GK5: variants seen among roughly 807,000 people sequenced by gnomAD.
GK5 encodes the protein glycerol kinase 5.
A neutral mutation model predicts 77.3 loss-of-function variants in GK5; 39 were observed. The ratio of observed to expected loss-of-function variants is 0.50; its 90% CI spans 0.39 to 0.66. GK5 has a LOEUF of 0.66. Among genes scored for constraint, GK5 ranks in the 30% least tolerant of loss-of-function variants. GK5 has a pLI of 0.00. For missense variants in GK5, 487 were observed against 633.8 expected (o/e 0.77, Z 2.49); for synonymous variants, 211 against 208.0 (o/e 1.01, Z -0.13).
chr3:142,224,815 T>A (rs528542585), intron 1 of GK5, among the ~76,000 whole-genome samples: 3 of 152,152 alleles, frequency 2.0e-5, no homozygotes, highest in Non-Finnish European at 2.9e-5. Flanking sequence ...TGAAAAGTTA[T>A]TGAGGCACAA....
rs770494340 is a variant in GK5, at chr3:142,170,302, A to T, written c.1441+23T>A. On this transcript the variant is annotated intron_variant, in intron 15 of 15. Coordinates refer to ENST00000392993, the MANE Select transcript of GK5 (RefSeq NM_001039547.3). ...AGGAAGAGTTTGCAAGAAAACTCTCATTCTTATAAATTTCACACATACCAA... is the reference window on the plus strand; with the variant it reads ...AGGAAGAGTTTGCAAGAAAACTCTCTTTCTTATAAATTTCACACATACCAA... 16 of 1,612,636 alleles carry T rather than the reference A, an allele frequency of 9.9e-6. No homozygotes were observed. In the East Asian group the frequency reaches 3.6e-4, roughly 36 times the overall value.
chr3:142,174,826 A>G (rs948078103), intron 12 of GK5, among the ~76,000 whole-genome samples: 32 of 152,208 alleles, frequency 2.1e-4, no homozygotes, highest in African/African-American at 7.7e-4. Context: ...CTCTGCCCTG[A>G]AAACCAAAAC....
chr3:142,160,671 CAT>C lies in GK5; in HGVS notation c.*4949_*4950del, dbSNP rs1049773009. The C allele has an allele frequency of 2.0e-5, 3 of 152,212 alleles. No individual in the cohort carries two copies. Among genetic ancestry groups the C allele is most frequent in the African/African-American group, 7.2e-5 (3 of 41,454 alleles). The allele number at this position is 152,212 out of a possible 1,614,324, so 9.4% of individuals were successfully genotyped here. On this transcript the variant is annotated 3_prime_UTR_variant, in exon 16 of 16. Transcript: ENST00000392993. ...TAATATATCTATGTGTATTTACAGA[CAT>C]GTGTCTCTACACAAATAGTTTTTCA...
intron 5 of GK5, among the ~76,000 whole-genome samples, chr3:142,195,354 T>C (rs562858268): frequency 6.6e-6 from 1 of 152,196 alleles, no homozygotes; most frequent in East Asian, 1.9e-4. Flanking sequence ...TGTGGTTTCT[T>C]TCCAGAGACA....
Position 142,160,551 on chromosome 3 carries a change from A to C in GK5, c.*5071T>G, listed in dbSNP as rs1257498636. 1 of 152,174 alleles carries C rather than the reference A, an allele frequency of 6.6e-6. No individual in the cohort carries two copies. The highest frequency in any genetic ancestry group is 1.5e-5 in the Non-Finnish European group (1 of 68,042). The allele number at this position is 152,174 out of a possible 1,614,324, so 9.4% of individuals were successfully genotyped here. On this transcript the variant is annotated 3_prime_UTR_variant, in exon 16 of 16. Coordinates refer to ENST00000392993, the MANE Select transcript of GK5 (RefSeq NM_001039547.3). Reference sequence around the variant, plus strand: ...TGAAGTTCCTTCCCTATAGCACCAGAGTGTTTCGCACTCTTAAAATTCAAT... The same window carrying C: ...TGAAGTTCCTTCCCTATAGCACCAGCGTGTTTCGCACTCTTAAAATTCAAT...
At chr3:142,213,356 A>C (rs1158790246) in intron 3 of GK5, among the ~76,000 whole-genome samples, 170 bp downstream of exon 3, 1 of 152,210 alleles carries the variant, frequency 6.6e-6, no homozygotes, top group Non-Finnish European at 1.5e-5. Context: ...GTCAAGCCCA[A>C]ATGACATGCA....
At chr3:142,204,845 G>A (rs773053737) in intron 3 of GK5, 57 bp from the exon 4 acceptor site, 5 of 984,302 alleles carry the variant, frequency 5.1e-6, no homozygotes, top group Non-Finnish European at 3.1e-6. Context: ...CTATGTTAAA[G>A]ATGTGCCATA....
intron 1 of GK5, among the ~76,000 whole-genome samples, chr3:142,216,157 G>A (rs1038695545): frequency 3.3e-5 from 5 of 152,114 alleles, no homozygotes; most frequent in African/African-American, 9.7e-5. Flanking sequence ...TGGGGAAGTA[G>A]ATAAGAATTC....
chr3:142,214,981 T>G (rs1477571541), intron 2 of GK5, among the ~76,000 whole-genome samples: 1 of 152,208 alleles, frequency 6.6e-6, no homozygotes, highest in Non-Finnish European at 1.5e-5. Flanking sequence ...GACTGAAATA[T>G]TTCAAACCAA....
At chr3:142,185,243 G>T in intron 9 of GK5, 1 of 450,922 alleles carries the variant, frequency 2.2e-6, no homozygotes, top group Non-Finnish European at 2.9e-6. Context: ...AAAATCCTAT[G>T]TCTACCAAAA....
intron 4 of GK5, among the ~76,000 whole-genome samples, chr3:142,201,868 G>A (rs1452703949): frequency 6.6e-6 from 1 of 152,124 alleles, no homozygotes; most frequent in Non-Finnish European, 1.5e-5. Context: ...TAAAAAATGT[G>A]TATCTAAGAA....
chr3:142,205,714 ACTCT>A (rs1216181179), intron 3 of GK5, among the ~76,000 whole-genome samples: 2 of 151,814 alleles, frequency 1.3e-5, no homozygotes, highest in Non-Finnish European at 2.9e-5. Context: ...TTGCCATTGC[ACTCT>A]CTAATACTTA....
rs1560205919 is a variant in GK5, at chr3:142,163,394, C to A, written c.*2228G>T. ...GATTCAAGCAATTCTCCTGCCTCAG[C>A]CTCCCGAGTAGCTGGGATTACAGGC... On this transcript the variant is annotated 3_prime_UTR_variant, in exon 16 of 16. Coordinates refer to ENST00000392993, the MANE Select transcript of GK5 (RefSeq NM_001039547.3). The A allele has an allele frequency of 1.3e-5, 2 of 149,896 alleles. No individual in the cohort carries two copies. Among genetic ancestry groups the A allele is most frequent in the African/African-American group, 4.8e-5 (2 of 41,312 alleles). 9.3% of individuals were successfully genotyped at this position (149,896 alleles called of 1,614,324 possible). A position where few individuals can be genotyped will look rare whatever the true frequency, so the allele number is the denominator to read the frequency against.
intron 4 of GK5, among the ~76,000 whole-genome samples, chr3:142,200,007 A>G (rs2063993841): frequency 6.6e-6 from 1 of 152,052 alleles, no homozygotes; most frequent in Non-Finnish European, 1.5e-5. Flanking sequence ...TCAATTAATA[A>G]AATTTGTAGA....
At position 142,164,774 on chromosome 3, in the gene GK5, A is replaced by G. The variant is rs981513376; in HGVS notation, c.*848T>C. The stretch of plus-strand genomic sequence containing the variant: ...AAAAACAAAAGACATTTATACAAGC[A>G]TCTAAATAACAAAGAAAGATAAAGA... On this transcript the variant is annotated 3_prime_UTR_variant, in exon 16 of 16. Coordinates refer to ENST00000392993, the MANE Select transcript of GK5 (RefSeq NM_001039547.3). 1 of 152,244 alleles carries G rather than the reference A, an allele frequency of 6.6e-6. No homozygotes were observed. The highest frequency in any genetic ancestry group is 6.5e-5 in the Admixed American group (1 of 15,284). 9.4% of individuals were successfully genotyped at this position (152,244 alleles called of 1,614,324 possible).
chr3:142,204,856 A>C, intron 3 of GK5, 68 bp from the exon 4 acceptor site: 2 of 867,390 alleles, frequency 2.3e-6, no homozygotes, highest in Non-Finnish European at 3.7e-6. Context: ...ATGTGCCATA[A>C]GAGAAAACAA....
chr3:142,172,957 C>T (rs1257081691), intron 12 of GK5: 6 of 230,760 alleles, frequency 2.6e-5, no homozygotes, highest in Non-Finnish European at 3.6e-5. Flanking sequence ...AATCCTAGCA[C>T]TCTGGGAGGC....
At chr3:142,173,808 A>C (rs148976989) in intron 12 of GK5, among the ~76,000 whole-genome samples, 40 of 152,322 alleles carry the variant, frequency 2.6e-4, no homozygotes, top group African/African-American at 7.9e-4. Flanking sequence ...TAACACATCA[A>C]AATGGTCATT....
At chr3:142,175,589 T>C (rs940999775) in intron 12 of GK5, among the ~76,000 whole-genome samples, 3 of 152,144 alleles carry the variant, frequency 2.0e-5, no homozygotes, top group African/African-American at 4.8e-5. Context: ...AGTTTAGTAC[T>C]AACACATTAT....
Sources: gnomAD v4.1 joint callset for allele counts (sites outside exome capture counted in the v4.1 genomes callset) on GRCh38, gnomAD v4.1.1 for gene constraint, MANE v1.5 for transcripts, NCBI Gene and HGNC (gene_info 2026-07-23, HGNC 2026-07-21) for gene names.